ABCC5: variants seen among roughly 807,000 people sequenced by gnomAD.
ABCC5 encodes ATP-binding cassette sub-family C member 5.
In ABCC5, 61 loss-of-function variants were observed where a neutral mutation model predicts 160.9. The observed-to-expected ratio is 0.38, with a 90% CI of 0.31 to 0.47. The LOEUF (loss-of-function observed/expected upper bound fraction) is 0.47, where lower values mean the gene tolerates loss of function less well. Ranked by LOEUF, ABCC5 falls within the 20% of genes least tolerant of loss-of-function variation. The pLI is 0.99. For synonymous variants in ABCC5, 666 were observed against 700.6 expected, an observed-to-expected ratio of 0.95 and a Z score of 0.78; for missense variants, 1,308 against 1,813.3, an observed-to-expected ratio of 0.72 and a Z score of 5.06.
Position 183,921,091 on chromosome 3 carries a change from C to T in ABCC5, c.*209G>A, listed in dbSNP as rs2108750217. On this transcript the variant is annotated 3_prime_UTR_variant, in exon 30 of 30. Transcript: ENST00000334444. The surrounding 1 kb of genome is among the most constrained non-coding windows in gnomAD (Gnocchi z 4.1). The stretch of plus-strand genomic sequence containing the variant: ...TTTAGAGTGCAATTAAGAACAAAAA[C>T]TAAATTTTGTTTACATGAATATGGA... 2.3e-6 allele frequency: 1 copy of T among 433,726 alleles called. No homozygotes were observed. Among genetic ancestry groups the T allele is most frequent in the South Asian group, 5.1e-5 (1 of 19,666 alleles). 26.9% of individuals were successfully genotyped at this position (433,726 alleles called of 1,614,324 possible).
rs1560026726 is a variant in ABCC5, at chr3:183,978,636, T to G, written c.1163A>C (p.Glu388Ala). 1 of 1,613,336 alleles carries G rather than the reference T, an allele frequency of 6.2e-7. No individual in the cohort carries two copies. Among genetic ancestry groups the G allele is most frequent in the East Asian group, 2.2e-5 (1 of 44,866 alleles). The change falls in exon 9 of 30, where the codon GAG (glutamate) becomes GCG (alanine). Residue 388 changes from glutamate (E) to alanine (A), a missense_variant. Around this residue, in one of 3 missense-constraint regions of ABCC5, gnomAD observed 1,142 missense variants for 1,527.1 expected, o/e 0.75. Transcript: ENST00000334444. ...CCCAGCTTTTTCCAATATCCGACGCTCCTCCTCGCGGATTTCTATGAATAA... is the reference window on the plus strand; with the variant it reads ...CCCAGCTTTTTCCAATATCCGACGCGCCTCCTCGCGGATTTCTATGAATAA... Reference protein sequence around the residue: ...SQSVQKIREEERRILEKAGYF... With the variant: ...SQSVQKIREEARRILEKAGYF...
At chr3:183,964,938 C>A (rs1288178715) in intron 14 of ABCC5, among the ~76,000 whole-genome samples, 1 of 152,232 alleles carries the variant, frequency 6.6e-6, no homozygotes, top group Non-Finnish European at 1.5e-5. Flanking sequence ...TAAAAAACAT[C>A]AACTCTGAGT....
At chr3:183,944,854 G>A (rs916068513) in intron 24 of ABCC5, among the ~76,000 whole-genome samples, 4 of 152,138 alleles carry the variant, frequency 2.6e-5, no homozygotes, top group African/African-American at 9.7e-5. Flanking sequence ...GATGTGGTTT[G>A]GCTCTGTGTT....
At chr3:183,927,773 T>C (rs1251230368) in intron 27 of ABCC5, 1 of 985,338 alleles carries the variant, frequency 1.0e-6, no homozygotes. Context: ...AATAGTATAG[T>C]AAGGAAAAGT....
At chr3:183,999,089 CAA>C (rs762418356) in intron 2 of ABCC5, among the ~76,000 whole-genome samples, 4 of 74,808 alleles carry the variant, frequency 5.3e-5, no homozygotes, top group Admixed American at 2.8e-4. Context: ...GACTCTGTCT[CAA>C]AAAAAAAAAA....
chr3:183,951,412 G>A lies in ABCC5; in HGVS notation c.2944+29C>T. 1 of 1,612,292 alleles carries A rather than the reference G, an allele frequency of 6.2e-7. No homozygotes were observed. The highest frequency in any genetic ancestry group is 8.5e-7 in the Non-Finnish European group (1 of 1,179,254). Reference sequence around the variant, plus strand: ...GGCTGGAAGCACAGTGAGCTCCAGAGTATTAAAAAAAGGCTCAGTGAGAAA... The same window carrying A: ...GGCTGGAAGCACAGTGAGCTCCAGAATATTAAAAAAAGGCTCAGTGAGAAA... On this transcript the variant is annotated intron_variant, in intron 20 of 29. Coordinates refer to ENST00000334444, the MANE Select transcript of ABCC5 (RefSeq NM_005688.4). This position sits in a 1 kb window ranked among gnomAD's most constrained non-coding sequence, Gnocchi z 4.7.
intron 29 of ABCC5, among the ~76,000 whole-genome samples, chr3:183,925,030 C>T (rs1712391048): frequency 6.6e-6 from 1 of 152,298 alleles, no homozygotes; most frequent in Admixed American, 6.5e-5. Flanking sequence ...ATGAAGAAGG[C>T]AAGGCTAGGG....
At chr3:184,005,079 C>T (rs75587226) in intron 2 of ABCC5, among the ~76,000 whole-genome samples, 71 of 152,298 alleles carry the variant, frequency 4.7e-4, no homozygotes, top group Non-Finnish European at 8.2e-4. Context: ...AGCCATCATG[C>T]TTCAAAGAGG....
chr3:183,968,513 A>G (rs1717435308), intron 11 of ABCC5, among the ~76,000 whole-genome samples: 1 of 152,192 alleles, frequency 6.6e-6, no homozygotes, highest in African/African-American at 2.4e-5. Context: ...ATACATAATT[A>G]ATTTTCAATA....
chr3:183,942,949 C>G (rs1397301004), intron 24 of ABCC5, 33 bp from the exon 25 acceptor site: 1 of 1,567,178 alleles, frequency 6.4e-7, no homozygotes, highest in Non-Finnish European at 8.7e-7. Flanking sequence ...TTCAGACTGA[C>G]CACAGATTCT....
intron 17 of ABCC5, among the ~76,000 whole-genome samples, chr3:183,958,722 C>G (rs1406913828): frequency 6.6e-6 from 1 of 151,976 alleles, no homozygotes; most frequent in Non-Finnish European, 1.5e-5. Context: ...CCTCGGCCTC[C>G]CAAGTAGCTG....
chr3:184,001,544 G>A (rs7610358), intron 2 of ABCC5, among the ~76,000 whole-genome samples: 5,470 of 152,168 alleles, frequency 0.036, 319 homozygotes, highest in African/African-American at 0.12. Context: ...GAGGACATGT[G>A]GCAATATCTG....
intron 2 of ABCC5, among the ~76,000 whole-genome samples, chr3:184,013,912 G>A (rs927421684): frequency 1.3e-5 from 2 of 152,016 alleles, no homozygotes; most frequent in African/African-American, 4.8e-5. Context: ...TCGCTCTATC[G>A]CCCAGGCTGG....
In ABCC5 at chr3:184,017,498, C is replaced by G. The variant is rs9869029; in HGVS notation, c.-56+332G>C. On this transcript the variant is annotated intron_variant, in intron 1 of 29. Transcript: ENST00000334444. The surrounding 1 kb of genome is among the most constrained non-coding windows in gnomAD (Gnocchi z 4.5). Reference sequence around the variant, plus strand: ...CGTTCCCACAGCCCGCTCCGGCCTGCCCAGGCGAGCGCGACCCACACCCAC... The same window carrying G: ...CGTTCCCACAGCCCGCTCCGGCCTGGCCAGGCGAGCGCGACCCACACCCAC... 93,892 of 151,882 alleles carry G rather than the reference C, an allele frequency of 0.62. 29,730 individuals carry two copies. Among genetic ancestry groups the G allele is most frequent in the East Asian group, 0.85 (4,312 of 5,096 alleles). 9.4% of individuals were successfully genotyped at this position (151,882 alleles called of 1,614,324 possible).
At chr3:183,932,563 A>G (rs375298183) in intron 26 of ABCC5, among the ~76,000 whole-genome samples, 1 of 152,206 alleles carries the variant, frequency 6.6e-6, no homozygotes, top group East Asian at 1.9e-4. Flanking sequence ...TAATGAGTAG[A>G]GCCAGCCGGC....
chr3:183,959,877 A>G, intron 16 of ABCC5, 42 bp from the exon 17 acceptor site: 1 of 1,374,808 alleles, frequency 7.3e-7, no homozygotes, highest in Non-Finnish European at 1.0e-6. Context: ...CATGTTAGCC[A>G]TCCAGATGAA....
chr3:183,968,123 T>C (rs1290505449), intron 11 of ABCC5, among the ~76,000 whole-genome samples: 1 of 149,400 alleles, frequency 6.7e-6, no homozygotes, highest in African/African-American at 2.4e-5. Context: ...TTAAAAATCA[T>C]TTTATTATTA....
chr3:183,926,690 T>C (rs1331276353), intron 28 of ABCC5, among the ~76,000 whole-genome samples: 2 of 152,208 alleles, frequency 1.3e-5, no homozygotes. Context: ...CAAAAGGACA[T>C]TCTTTTCCTG....
chr3:183,995,513 G>T lies in ABCC5; in HGVS notation c.130-6130C>A, dbSNP rs79869289. 5.0e-3 allele frequency among the ~76,000 whole-genome samples: 759 copies of T among 152,158 alleles called. 11 individuals are homozygous for T. The highest frequency in any genetic ancestry group is 0.017 in the African/African-American group (709 of 41,494). ...TTCACTTTTTTGCCTACAGATGTCC[G>T]GTTGTTCCAGTACCATGTGTTGAAA... is the stretch of plus-strand genomic sequence containing the variant. On this transcript the variant is annotated intron_variant, in intron 2 of 29. Transcript: ENST00000334444.
Sources: gnomAD v4.1 joint callset for allele counts (sites outside exome capture counted in the v4.1 genomes callset) on GRCh38, gnomAD v4.1.1 for gene constraint, gnomAD v4.1.1 regional missense constraint, Gnocchi (gnomAD v3.1) non-coding constraint, MANE v1.5 for transcripts, NCBI Gene and HGNC (gene_info 2026-07-23, HGNC 2026-07-21) for gene names.